HLCS: variants seen among roughly 807,000 people sequenced by gnomAD.
The protein encoded by HLCS is biotin--protein ligase.
A neutral mutation model predicts 75.0 loss-of-function variants in HLCS; 53 were observed. The ratio of observed to expected loss-of-function variants is 0.71; its 90% confidence interval spans 0.57 to 0.89. The LOEUF is 0.89. HLCS is among the 40% of genes least tolerant of loss of function. The probability of loss-of-function intolerance (pLI) is 0.00; values close to 1 mark genes in which losing one functional copy is unlikely to be tolerated. For synonymous variants in HLCS, 431 were observed against 428.6 expected, an observed-to-expected ratio of 1.01 and a Z score of -0.07; for missense variants, 966 against 1,074.0, an observed-to-expected ratio of 0.90 and a Z score of 1.41.
At chr21:36,860,731 C>T (rs963444339) in intron 6 of HLCS, among the ~76,000 whole-genome samples, 9 of 152,186 alleles carry the variant, frequency 5.9e-5, no homozygotes, top group Admixed American at 2.6e-4. Context: ...AGTTTAGACA[C>T]GGCACATCTG....
intron 2 of HLCS, among the ~76,000 whole-genome samples, chr21:36,942,398 C>CAAAAAAAAAA (rs55999516): frequency 2.5e-5 from 2 of 80,934 alleles, no homozygotes; most frequent in African/African-American, 1.0e-4. Context: ...GACTCCGTCT[C>CAAAAAAAAAA]AAAAAAAAAA....
intron 6 of HLCS, among the ~76,000 whole-genome samples, chr21:36,849,557 T>C (rs1042475940): frequency 1.3e-5 from 2 of 152,038 alleles, no homozygotes; most frequent in African/African-American, 4.8e-5. Flanking sequence ...TGCCAGCCAG[T>C]GTGGCAAAGA....
Position 36,937,289 on chromosome 21 carries a change from C to T in HLCS, c.597G>A (p.Lys199=), listed in dbSNP as rs367719287. The T allele has an allele frequency of 3.7e-6, 6 of 1,614,030 alleles. No homozygotes were observed. Among genetic ancestry groups the T allele is most frequent in the Non-Finnish European group, 5.1e-6 (6 of 1,180,016 alleles). The change falls in exon 4 of 11, where the codon AAG becomes AAA. Residue 199 remains lysine (K), a synonymous_variant. Transcript: ENST00000674895. ...CATGCTCCATACCGTCCTGCTCAGG[C>T]TTAATCTCAAGAGAAGGTTCAGGCT... is the stretch of plus-strand genomic sequence containing the variant. ...EPKPEPSLEI[K]PEQDGMEHVG...
chr21:36,925,701 G>T (rs539674001), intron 5 of HLCS, among the ~76,000 whole-genome samples: 1 of 152,110 alleles, frequency 6.6e-6, no homozygotes, highest in Non-Finnish European at 1.5e-5. Flanking sequence ...GTCCTAACCC[G>T]CCAGCTGCCC....
intron 6 of HLCS, among the ~76,000 whole-genome samples, chr21:36,800,887 G>A (rs377053352): frequency 3.9e-5 from 6 of 152,090 alleles, no homozygotes; most frequent in Non-Finnish European, 5.9e-5. Context: ...ATTTCTAAGT[G>A]GACAGTGTTA....
intron 6 of HLCS, among the ~76,000 whole-genome samples, chr21:36,812,401 G>A (rs749046279): frequency 2.8e-4 from 42 of 152,104 alleles, no homozygotes; most frequent in Non-Finnish European, 2.5e-4. Context: ...CTTACGGTAC[G>A]CTTTATCCTT....
chr21:36,918,115 T>C (rs759064558), intron 5 of HLCS, among the ~76,000 whole-genome samples: 2 of 152,176 alleles, frequency 1.3e-5, no homozygotes, highest in Non-Finnish European at 2.9e-5. Flanking sequence ...GGAGCACAGA[T>C]TCCTGAACAA....
At chr21:36,888,442 AAAAATATATATATATATATAT>A (rs1282185932) in intron 6 of HLCS, among the ~76,000 whole-genome samples, 2,144 of 31,532 alleles carry the variant, frequency 0.068, 69 homozygotes, top group Admixed American at 0.13. Flanking sequence ...TAAAAAAAAA[AAAAATATATATATATATATAT>A]ATATATATAT....
intron 6 of HLCS, among the ~76,000 whole-genome samples, chr21:36,783,843 A>G (rs1444079383): frequency 6.6e-6 from 1 of 150,946 alleles, no homozygotes; most frequent in Non-Finnish European, 1.5e-5. Context: ...ACATACATGC[A>G]CAAATCCACA....
intron 6 of HLCS, among the ~76,000 whole-genome samples, chr21:36,822,398 G>A (rs7280357): frequency 0.27 from 41,039 of 151,906 alleles, 5,749 homozygotes; most frequent in Middle Eastern, 0.34. Context: ...ACGCAGTGAC[G>A]GAGCCTGGGT....
At chr21:36,791,684 A>G (rs1033421798) in intron 6 of HLCS, among the ~76,000 whole-genome samples, 1 of 151,934 alleles carries the variant, frequency 6.6e-6, no homozygotes, top group Non-Finnish European at 1.5e-5. Flanking sequence ...TGGGGCTCAG[A>G]CAGAATGCCG....
chr21:36,911,932 G>A (rs887050309), intron 5 of HLCS, among the ~76,000 whole-genome samples: 21 of 151,852 alleles, frequency 1.4e-4, no homozygotes, highest in African/African-American at 4.6e-4. Context: ...TTAGCCAGGC[G>A]TGGTGGTGAG....
In HLCS at chr21:36,752,525, C is replaced by A. The variant is rs554142080; in HGVS notation, c.*1721G>T. ...TCCCTGATGATATTCTGCAGATGCC[C>A]TCTCAAGGGTAAGTCCATTTTGTAA... On this transcript the variant is annotated 3_prime_UTR_variant, in exon 11 of 11. Coordinates refer to ENST00000674895, the MANE Select transcript of HLCS (RefSeq NM_001352514.2). 6.5e-6 allele frequency: 1 copy of A among 152,708 alleles called. No individual in the cohort carries two copies. The highest frequency in any genetic ancestry group is 1.9e-4 in the East Asian group (1 of 5,188). The allele number at this position is 152,708 out of a possible 1,614,324, so 9.5% of individuals were successfully genotyped here.
chr21:36,888,488 A>G (rs2064623086), intron 6 of HLCS, among the ~76,000 whole-genome samples: 1 of 89,362 alleles, frequency 1.1e-5, no homozygotes, highest in South Asian at 3.4e-4. Context: ...ATATATATAT[A>G]TATATATATT....
At chr21:36,920,396 G>T (rs962570810) in intron 5 of HLCS, among the ~76,000 whole-genome samples, 3 of 150,706 alleles carry the variant, frequency 2.0e-5, no homozygotes, top group Admixed American at 2.0e-4. Flanking sequence ...AGATGGGAAT[G>T]GTTAATGGAT....
chr21:36,900,416 G>C (rs1402697402), intron 5 of HLCS, among the ~76,000 whole-genome samples: 2 of 152,130 alleles, frequency 1.3e-5, no homozygotes, highest in Non-Finnish European at 2.9e-5. Flanking sequence ...CACAGCATTT[G>C]AGCAGAGTGA....
At chr21:36,904,926 T>C (rs1194357825) in intron 5 of HLCS, among the ~76,000 whole-genome samples, 1 of 152,216 alleles carries the variant, frequency 6.6e-6, no homozygotes, top group Non-Finnish European at 1.5e-5. Flanking sequence ...ACAAGTGGGC[T>C]GACATATAAG....
chr21:36,899,292 TA>T (rs988796699), intron 5 of HLCS, among the ~76,000 whole-genome samples: 22 of 151,472 alleles, frequency 1.5e-4, no homozygotes, highest in African/African-American at 5.1e-4. Flanking sequence ...TAATTAAGAG[TA>T]AAAAAAAGTG....
chr21:36,962,711 C>T (rs1284947937), intron 1 of HLCS, among the ~76,000 whole-genome samples: 4 of 149,798 alleles, frequency 2.7e-5, no homozygotes, highest in East Asian at 4.0e-4. Flanking sequence ...GAGGATCACT[C>T]GAGCCTGGGA....
Sources: gnomAD v4.1 joint callset for allele counts (sites outside exome capture counted in the v4.1 genomes callset) on GRCh38, gnomAD v4.1.1 for gene constraint, MANE v1.5 for transcripts, NCBI Gene and HGNC (gene_info 2026-07-23, HGNC 2026-07-21) for gene names.